The following PDE1C variants were observed in gnomAD, a reference collection of about 807,000 sequenced individuals.
PDE1C encodes phosphodiesterase 1C.
A neutral mutation model predicts 93.1 loss-of-function variants in PDE1C; 62 were observed. The observed-to-expected ratio is 0.67, with a 90% confidence interval of 0.54 to 0.82. PDE1C has a LOEUF of 0.82. Ranked by LOEUF, PDE1C falls within the 40% of genes least tolerant of loss-of-function variation. The pLI is 0.00. For missense variants in PDE1C, 742 were observed against 884.6 expected (o/e 0.84, Z 2.04); for synonymous variants, 325 against 310.1 (o/e 1.05, Z -0.50).
chr7:32,060,341 G>C (rs1019644684), intron 1 of PDE1C, among the ~76,000 whole-genome samples: 3 of 152,064 alleles, frequency 2.0e-5, no homozygotes, highest in African/African-American at 7.2e-5. Flanking sequence ...TATCAAAACT[G>C]ACTCCTGGCA....
chr7:32,012,287 C>T (rs574591345), intron 2 of PDE1C, among the ~76,000 whole-genome samples: 53 of 152,256 alleles, frequency 3.5e-4, no homozygotes, highest in Non-Finnish European at 6.9e-4. Context: ...CATTGTATCA[C>T]GTGGTGGCAA....
At chr7:31,835,518 G>A (rs1790956737) in intron 11 of PDE1C, among the ~76,000 whole-genome samples, 1 of 92,076 alleles carries the variant, frequency 1.1e-5, no homozygotes, top group Non-Finnish European at 2.3e-5. Flanking sequence ...TAGCTGGGGG[G>A]TGCTGCGGTG....
At chr7:31,857,769 C>T (rs563166243) in intron 7 of PDE1C, among the ~76,000 whole-genome samples, 5 of 152,134 alleles carry the variant, frequency 3.3e-5, no homozygotes, top group Non-Finnish European at 7.4e-5. Flanking sequence ...AGAAGATTCT[C>T]ATAAACAAAT....
chr7:32,207,647 C>T (rs1435961626), intron 2 of PDE1C, among the ~76,000 whole-genome samples: 1 of 152,114 alleles, frequency 6.6e-6, no homozygotes, highest in Non-Finnish European at 1.5e-5. Context: ...TCAGTCCAAC[C>T]TAACTGGTTT....
At chr7:31,636,770 C>T in the PDE1C span, among the ~76,000 whole-genome samples, 108,633 of 151,324 alleles carry the variant, frequency 0.72, 39,647 homozygotes, top group East Asian at 0.83. Context: ...GGTACATGTG[C>T]GTAATGTGCA....
At chr7:31,629,991 C>A in the PDE1C span, among the ~76,000 whole-genome samples, 306 of 151,568 alleles carry the variant, frequency 2.0e-3, 1 homozygote, top group African/African-American at 7.0e-3. Context: ...AGAGAAGAAA[C>A]ACACACACAC....
intron 2 of PDE1C, among the ~76,000 whole-genome samples, chr7:32,174,701 A>G (rs1455906319): frequency 6.6e-6 from 1 of 152,160 alleles, no homozygotes; most frequent in Non-Finnish European, 1.5e-5. Flanking sequence ...CCTCCAAGCA[A>G]TAAAAAGAAA....
chr7:32,300,211 C>A (rs1349928162), upstream of PDE1C, among the ~76,000 whole-genome samples: 1 of 152,142 alleles, frequency 6.6e-6, no homozygotes, highest in African/African-American at 2.4e-5. Context: ...GGAATTTAAT[C>A]TTTTTCAATT....
At chr7:31,622,348 T>C in the PDE1C span, among the ~76,000 whole-genome samples, 1 of 152,102 alleles carries the variant, frequency 6.6e-6, no homozygotes, top group Non-Finnish European at 1.5e-5. Flanking sequence ...ATTGACCAGA[T>C]AGTTGGAAGT....
Position 31,824,974 on chromosome 7 carries a change from G to A in PDE1C, c.1299C>T (p.Phe433=). Reference sequence around the variant, plus strand: ...GCACAGTGAAGGTGGGTTCCACGATGAAATCAATGAAACCTGAAGAGAAAC... The same window carrying A: ...GCACAGTGAAGGTGGGTTCCACGATAAAATCAATGAAACCTGAAGAGAAAC... ...VAQSQVGFID[F]IVEPTFTVLT... The change falls in exon 13 of 18, where the codon TTC becomes TTT. Residue 433 remains phenylalanine (F), a synonymous_variant. Transcript: ENST00000396191. 1.2e-6 allele frequency: 2 copies of A among 1,613,198 alleles called. No homozygotes were observed. Among genetic ancestry groups the A allele is most frequent in the Non-Finnish European group, 8.5e-7 (1 of 1,179,424 alleles).
intron 2 of PDE1C, among the ~76,000 whole-genome samples, chr7:32,043,903 T>G (rs1441517512): frequency 2.0e-5 from 3 of 152,110 alleles, no homozygotes; most frequent in Non-Finnish European, 4.4e-5. Context: ...GCAAAGCCAT[T>G]TGAAAGTATG....
At chr7:31,899,418 G>GT (rs1799705394) in intron 2 of PDE1C, among the ~76,000 whole-genome samples, 1 of 152,024 alleles carries the variant, frequency 6.6e-6, no homozygotes, top group African/African-American at 2.4e-5. Context: ...GATTACAGGC[G>GT]TAAGTAAGCC....
intron 2 of PDE1C, among the ~76,000 whole-genome samples, chr7:31,924,292 T>A (rs1803052643): frequency 6.6e-6 from 1 of 152,238 alleles, no homozygotes; most frequent in Non-Finnish European, 1.5e-5. Flanking sequence ...ATTTGTTGAC[T>A]TAACAAATTA....
In PDE1C at chr7:31,982,656, G is replaced by A. The variant is rs933399427; in HGVS notation, c.128+68898C>T. On this transcript the variant is annotated intron_variant, in intron 2 of 17. Coordinates refer to ENST00000396191, the MANE Select transcript of PDE1C (RefSeq NM_001191057.4). ...TTTGAAAGGGGCCTGTGAATAAAACGCAAAAAGTGCCTAATTGGAGTCAAG... is the reference window on the plus strand; with the variant it reads ...TTTGAAAGGGGCCTGTGAATAAAACACAAAAAGTGCCTAATTGGAGTCAAG... 2.6e-5 allele frequency among the ~76,000 whole-genome samples: 4 copies of A among 151,798 alleles called. No homozygotes were observed. In the East Asian group the frequency reaches 7.7e-4, roughly 29 times the overall value.
In PDE1C at chr7:32,047,631, G is replaced by A. The variant is rs543322628; in HGVS notation, c.128+3923C>T. 2.6e-5 allele frequency among the ~76,000 whole-genome samples: 4 copies of A among 151,968 alleles called. No individual in the cohort carries two copies. In the East Asian group the frequency reaches 5.8e-4, roughly 22 times the overall value. On this transcript the variant is annotated intron_variant, in intron 2 of 17. Coordinates refer to ENST00000396191, the MANE Select transcript of PDE1C (RefSeq NM_001191057.4). ...CCCTTGGGCTACCAAAATATGCCTC[G>A]TACTTGGTGAAATACTTAAAGAAAG...
chr7:32,363,650 C>T (rs1299250957), intron 1 of PDE1C, among the ~76,000 whole-genome samples: 1 of 152,186 alleles, frequency 6.6e-6, no homozygotes, highest in Non-Finnish European at 1.5e-5. Flanking sequence ...AATGGCATAT[C>T]AATTTCATTT....
chr7:31,902,783 ATATAG>A (rs1174983345), intron 2 of PDE1C, among the ~76,000 whole-genome samples: 3 of 151,074 alleles, frequency 2.0e-5, no homozygotes, highest in Non-Finnish European at 3.0e-5. Flanking sequence ...ATTATGTAAT[ATATAG>A]TATAATTATA....
chr7:32,365,329 A>C (rs1784209951), intron 1 of PDE1C, among the ~76,000 whole-genome samples: 1 of 152,174 alleles, frequency 6.6e-6, no homozygotes, highest in Non-Finnish European at 1.5e-5. Context: ...GGCCACCTCC[A>C]GCAGACATGC....
chr7:32,411,557 G>A (rs1049283720), intron 1 of PDE1C, among the ~76,000 whole-genome samples: 2 of 152,184 alleles, frequency 1.3e-5, no homozygotes, highest in African/African-American at 4.8e-5. Flanking sequence ...AATGCAGCTC[G>A]CAGGACTGGA....
Sources: gnomAD v4.1 joint callset for allele counts (sites outside exome capture counted in the v4.1 genomes callset) on GRCh38, gnomAD v4.1.1 for gene constraint, MANE v1.5 for transcripts, NCBI Gene and HGNC (gene_info 2026-07-23, HGNC 2026-07-21) for gene names.